Variants in CMTM4 observed in about 807,000 individuals in gnomAD.
The protein encoded by CMTM4 is CKLF-like MARVEL transmembrane domain-containing protein 4.
A neutral mutation model predicts 19.0 loss-of-function variants in CMTM4; 8 were observed. The observed-to-expected ratio is 0.42, with a 90% CI of 0.25 to 0.76. The LOEUF is 0.76. CMTM4 is among the 30% of genes least tolerant of loss of function. The probability of loss-of-function intolerance (pLI) is 0.27; values close to 1 mark genes in which losing one functional copy is unlikely to be tolerated. For missense variants in CMTM4, 228 were observed against 290.2 expected (o/e 0.79, Z 1.56); for synonymous variants, 106 against 121.1 (o/e 0.88, Z 0.82).
At chr16:66,680,502 T>C (rs1201728662) in intron 1 of CMTM4, among the ~76,000 whole-genome samples, 10 of 134,954 alleles carry the variant, frequency 7.4e-5, no homozygotes, top group Admixed American at 7.9e-5. Context: ...AGGTCGGGCA[T>C]GGTGGCTCAT....
intron 2 of CMTM4, among the ~76,000 whole-genome samples, chr16:66,634,277 T>C (rs1193176665): frequency 6.6e-6 from 1 of 151,826 alleles, no homozygotes; most frequent in Non-Finnish European, 1.5e-5. Flanking sequence ...CCATCTCTAC[T>C]AAAAATACAA....
At chr16:66,684,615 C>A (rs1281698581) in intron 1 of CMTM4, among the ~76,000 whole-genome samples, 1 of 152,156 alleles carries the variant, frequency 6.6e-6, no homozygotes. Context: ...TGAACACCCC[C>A]CAACCCACTG....
intron 1 of CMTM4, among the ~76,000 whole-genome samples, chr16:66,675,235 C>A (rs1019033229): frequency 6.6e-6 from 1 of 151,408 alleles, no homozygotes; most frequent in Non-Finnish European, 1.5e-5. Context: ...CATGCGCCAA[C>A]ATGCCCGGCT....
At chr16:66,683,947 A>G (rs2016988728) in intron 1 of CMTM4, among the ~76,000 whole-genome samples, 1 of 152,098 alleles carries the variant, frequency 6.6e-6, no homozygotes. Context: ...TCAGGAAGAG[A>G]GTGAGGGATG....
intron 2 of CMTM4, among the ~76,000 whole-genome samples, chr16:66,627,653 T>C (rs1020654345): frequency 2.0e-5 from 3 of 152,230 alleles, no homozygotes. Context: ...TTCCTGTGTG[T>C]GAAATCTGCC....
chr16:66,673,801 C>T (rs1345909384), intron 1 of CMTM4, among the ~76,000 whole-genome samples: 2 of 152,246 alleles, frequency 1.3e-5, no homozygotes, highest in Non-Finnish European at 2.9e-5. Flanking sequence ...GAGAACACCA[C>T]CTTCCTTTGC....
chr16:66,614,563 C>T (rs1205223028), downstream of CMTM4, among the ~76,000 whole-genome samples: 2 of 152,176 alleles, frequency 1.3e-5, no homozygotes, highest in African/African-American at 4.8e-5. The surrounding 1 kb of genome is among the most constrained non-coding windows in gnomAD (Gnocchi z 4.9). Context: ...TGGAGAGGCC[C>T]CTGGTGGAAT....
the CMTM4 span, chr16:66,604,579 C>A: frequency 3.3e-5 from 11 of 330,874 alleles, no homozygotes; most frequent in Admixed American, 4.1e-4. Flanking sequence ...AGGCCCCAGG[C>A]CGGGGAGGGG....
At chr16:66,611,710 G>A (rs922877922), downstream of CMTM4, among the ~76,000 whole-genome samples, 1 of 152,088 alleles carries the variant, frequency 6.6e-6, no homozygotes, top group Non-Finnish European at 1.5e-5. Context: ...TTTTCCTTCT[G>A]GGGTGGAGGT....
chr16:66,653,858 C>G (rs1297525967), intron 1 of CMTM4, among the ~76,000 whole-genome samples: 1 of 152,126 alleles, frequency 6.6e-6, no homozygotes, highest in African/African-American at 2.4e-5. Flanking sequence ...CCTCAGCCAC[C>G]CGAGTAGCTG....
the CMTM4 span, among the ~76,000 whole-genome samples, chr16:66,608,007 G>A: frequency 2.0e-5 from 3 of 152,052 alleles, no homozygotes; most frequent in African/African-American, 2.4e-5. The surrounding 1 kb of genome is among the most constrained non-coding windows in gnomAD (Gnocchi z 5.1). Flanking sequence ...CACCATGCCC[G>A]GCTAATTTTT....
intron 2 of CMTM4, among the ~76,000 whole-genome samples, chr16:66,631,326 C>A (rs1378307376): frequency 7.3e-5 from 11 of 151,296 alleles, no homozygotes; most frequent in Admixed American, 7.2e-4. Flanking sequence ...CAGCCCCCGC[C>A]CGGCCAGCCG....
At chr16:66,627,395 A>T (rs991564390) in intron 2 of CMTM4, among the ~76,000 whole-genome samples, 2 of 152,272 alleles carry the variant, frequency 1.3e-5, no homozygotes, top group Non-Finnish European at 1.5e-5. Context: ...CAAGTATTTT[A>T]AGTGGTTACC....
intron 1 of CMTM4, among the ~76,000 whole-genome samples, chr16:66,694,712 C>CA (rs752909314): frequency 0.035 from 1,521 of 42,954 alleles, 15 homozygotes; most frequent in Non-Finnish European, 0.046. Flanking sequence ...GACTCCATCT[C>CA]AAAAAAAAAA....
intron 1 of CMTM4, among the ~76,000 whole-genome samples, chr16:66,663,887 T>G (rs1234932417): frequency 6.6e-6 from 1 of 152,166 alleles, no homozygotes; most frequent in Non-Finnish European, 1.5e-5. Context: ...ACTTTCTGTC[T>G]TTCTATTTGT....
chr16:66,641,981 C>T (rs2016104612), intron 1 of CMTM4, among the ~76,000 whole-genome samples: 1 of 152,154 alleles, frequency 6.6e-6, no homozygotes, highest in Non-Finnish European at 1.5e-5. Context: ...CATAAATACA[C>T]ACATATACAC....
chr16:66,625,825 C>T (rs2015727398), intron 2 of CMTM4, among the ~76,000 whole-genome samples: 1 of 152,198 alleles, frequency 6.6e-6, no homozygotes, highest in Admixed American at 6.5e-5. Context: ...AAACACTAGC[C>T]ATATGTGACT....
chr16:66,604,521 G>A, the CMTM4 span: 1 of 266,012 alleles, frequency 3.8e-6, no homozygotes, highest in East Asian at 6.6e-5. Flanking sequence ...GTGATCGGGA[G>A]GTCTCCAGCG....
In CMTM4 at chr16:66,696,601, CAT is replaced by C. The variant is rs2017242945; in HGVS notation, c.-78_-77del. On this transcript the variant is annotated 5_prime_UTR_variant, in exon 1 of 4. An upstream start codon of the reference 5' UTR is lost. Transcript: ENST00000394106. This position sits in a 1 kb window ranked among gnomAD's most constrained non-coding sequence, Gnocchi z 4.3. ...GCGGGCGGACTCAGCGGGGCCGCCG[CAT>C]CGCCGCCGCCGCCGCCGCCGCCGCC... 1 of 902,942 alleles carries C rather than the reference CAT, an allele frequency of 1.1e-6. No homozygotes were observed. Among genetic ancestry groups the C allele is most frequent in the Non-Finnish European group, 1.3e-6 (1 of 753,008 alleles). The allele number at this position is 902,942 out of a possible 1,614,324, so 55.9% of individuals were successfully genotyped here. A position where few individuals can be genotyped will look rare whatever the true frequency, so the allele number is the denominator to read the frequency against.
Sources: allele counts gnomAD v4.1 joint callset (sites outside exome capture counted in the v4.1 genomes callset), GRCh38; gene constraint gnomAD v4.1.1; non-coding constraint Gnocchi (gnomAD v3.1); transcripts MANE v1.5; gene names NCBI Gene and HGNC (gene_info 2026-07-23, HGNC 2026-07-21).